RANBP10: variants seen among roughly 807,000 people sequenced by gnomAD.
RANBP10 encodes RAN binding protein 10.
In RANBP10, 24 loss-of-function variants were observed where a neutral mutation model predicts 72.8. The observed-to-expected ratio is 0.33, with a 90% CI of 0.24 to 0.46. The LOEUF is 0.46. RANBP10 is among the 20% of genes least tolerant of loss of function. The pLI is 1.00. For synonymous variants in RANBP10, 310 were observed against 322.3 expected (o/e 0.96, Z 0.41); for missense variants, 679 against 817.5 (o/e 0.83, Z 2.07).
At chr16:67,777,820 A>T (rs1226742408) in intron 2 of RANBP10, among the ~76,000 whole-genome samples, 4 of 152,186 alleles carry the variant, frequency 2.6e-5, no homozygotes, top group Non-Finnish European at 5.9e-5. Flanking sequence ...AAAAAGAACA[A>T]AGTTGGAGGG....
At chr16:67,743,554 C>T (rs2054010135) in intron 4 of RANBP10, among the ~76,000 whole-genome samples, 1 of 152,196 alleles carries the variant, frequency 6.6e-6, no homozygotes, top group Non-Finnish European at 1.5e-5. Context: ...CCACGGGCCC[C>T]ATCCTCTTCC....
At chr16:67,776,455 C>T (rs1294354298) in intron 2 of RANBP10, among the ~76,000 whole-genome samples, 2 of 113,298 alleles carry the variant, frequency 1.8e-5, no homozygotes, top group African/African-American at 3.9e-5. Context: ...GACACGGACT[C>T]CATCTCAAAA....
At position 67,729,864 on chromosome 16, in the gene RANBP10, G is replaced by A. The variant is rs2053690025; in HGVS notation, c.999-36C>T. The A allele has an allele frequency of 1.9e-6, 3 of 1,613,292 alleles. No individual in the cohort carries two copies. ...AGCGGAGCAATAATGCTCTGGTTGT[G>A]GTCCAGGTTGACGTTCCCACCACCA... On this transcript the variant is annotated intron_variant, in intron 8 of 13. Transcript: ENST00000317506. This position sits in a 1 kb window ranked among gnomAD's most constrained non-coding sequence, Gnocchi z 7.1.
At chr16:67,784,176 C>T (rs768993900) in intron 2 of RANBP10, among the ~76,000 whole-genome samples, 3 of 151,940 alleles carry the variant, frequency 2.0e-5, no homozygotes, top group African/African-American at 7.3e-5. Flanking sequence ...GATTATATAC[C>T]ACAACCTAAT....
At chr16:67,792,777 G>A (rs1452671540) in intron 2 of RANBP10, among the ~76,000 whole-genome samples, 7 of 146,684 alleles carry the variant, frequency 4.8e-5, no homozygotes, top group Admixed American at 1.4e-4. Flanking sequence ...GCAAGACTCC[G>A]TCTCAAAAAA....
rs372832190 is a variant in RANBP10 at position 67,761,927 on chromosome 16, G to GA, written c.400+10106dup. Among the ~76,000 whole-genome samples the GA allele has an allele frequency of 9.1e-3, 1,346 of 147,992 alleles. 11 individuals are homozygous for GA. The highest frequency in any genetic ancestry group is 0.014 in the Non-Finnish European group (924 of 66,752). On this transcript the variant is annotated intron_variant, in intron 3 of 13. Coordinates refer to ENST00000317506, the MANE Select transcript of RANBP10 (RefSeq NM_020850.3). ...ATATAGGTACTTCCTTCTTCAGGTAGAAAAAAAAAACACACACCTTTTCCC... is the reference window on the plus strand; with the variant it reads ...ATATAGGTACTTCCTTCTTCAGGTAGAAAAAAAAAAACACACACCTTTTCCC...
intron 2 of RANBP10, among the ~76,000 whole-genome samples, chr16:67,772,494 C>G (rs1286294053): frequency 1.3e-5 from 2 of 152,150 alleles, no homozygotes; most frequent in Non-Finnish European, 2.9e-5. Flanking sequence ...AGGGAGAACC[C>G]AGTCTGCACC....
chr16:67,726,596 C>T, intron 13 of RANBP10, 38 bp from the exon 14 acceptor site: 20 of 1,530,678 alleles, frequency 1.3e-5, no homozygotes, highest in Non-Finnish European at 1.8e-5. Context: ...CTGGCCTGCC[C>T]AGGGCTTGGG....
At chr16:67,737,192 CTTTTTTTTTTTTT>C (rs71145979) in intron 5 of RANBP10, among the ~76,000 whole-genome samples, 2 of 75,980 alleles carry the variant, frequency 2.6e-5, no homozygotes, top group African/African-American at 6.2e-5. Flanking sequence ...CCATCCTTTT[CTTTTTTTTTTTTT>C]TTTTTTTTTT....
intron 3 of RANBP10, chr16:67,762,726 C>T (rs1301373906): frequency 6.6e-6 from 1 of 152,224 alleles, no homozygotes; most frequent in African/African-American, 2.4e-5. Flanking sequence ...CTAGGCAGGC[C>T]GCAGGCTGAT....
At chr16:67,759,528 G>A (rs1279313494) in intron 3 of RANBP10, 1 of 152,208 alleles carries the variant, frequency 6.6e-6, no homozygotes, top group East Asian at 1.9e-4. Flanking sequence ...GTTCCCAGAA[G>A]GAGTGACACC....
intron 3 of RANBP10, among the ~76,000 whole-genome samples, chr16:67,769,745 C>CAAAAAAAAA (rs58319144): frequency 3.6e-5 from 1 of 27,726 alleles, no homozygotes. Flanking sequence ...GACTCCGTCT[C>CAAAAAAAAA]AAAAAAAAAA....
intron 2 of RANBP10, among the ~76,000 whole-genome samples, chr16:67,780,685 G>A (rs977583654): frequency 6.6e-6 from 1 of 152,242 alleles, no homozygotes. Flanking sequence ...CATGGAAGAT[G>A]ACAAGGGTGG....
intron 3 of RANBP10, among the ~76,000 whole-genome samples, chr16:67,745,178 G>A (rs1382995853): frequency 4.7e-5 from 7 of 148,850 alleles, no homozygotes; most frequent in African/African-American, 7.5e-5. Flanking sequence ...GGGTTTCACC[G>A]TGTTAGCCAG....
At chr16:67,768,783 TAA>T (rs1186827981) in intron 3 of RANBP10, among the ~76,000 whole-genome samples, 1 of 152,220 alleles carries the variant, frequency 6.6e-6, no homozygotes, top group African/African-American at 2.4e-5. Flanking sequence ...GACCACATCC[TAA>T]GACTACCTAA....
intron 12 of RANBP10, 124 bp from the exon 13 acceptor site, chr16:67,727,562 G>C (rs1447382282): frequency 1.5e-6 from 2 of 1,319,584 alleles, no homozygotes; most frequent in Non-Finnish European, 2.1e-6. Context: ...TGTAGGGTCG[G>C]GCAGGGCTGT....
rs754327492 is a variant in RANBP10, at chr16:67,729,535, G to A, written c.1148-51C>T. On this transcript the variant is annotated intron_variant, in intron 9 of 13. Coordinates refer to ENST00000317506, the MANE Select transcript of RANBP10 (RefSeq NM_020850.3). The surrounding 1 kb of genome is among the most constrained non-coding windows in gnomAD (Gnocchi z 7.1). ...GAGGAGGGGCAGCTTCCCATGAAAT[G>A]AAGCCCCAAGAACAACCACAGTGGT... 1.9e-6 allele frequency: 3 copies of A among 1,580,144 alleles called. No homozygotes were observed. The highest frequency in any genetic ancestry group is 1.8e-5 in the Admixed American group (1 of 56,912).
At position 67,734,992 on chromosome 16, in the gene RANBP10, G is replaced by A. The variant is rs531027550; in HGVS notation, c.642C>T (p.Asp214=). ...VGLQTPGEIV[D]ANFGQQPFLF... ...GGAAGGGCTGCTGCCCAAAGTTGGC[G>A]TCCACAATCTCCCCAGGTGTCTGCA... The change falls in exon 6 of 14, where the codon GAC becomes GAT. Residue 214 remains aspartate, a synonymous_variant. Coordinates refer to ENST00000317506, the MANE Select transcript of RANBP10 (RefSeq NM_020850.3). The A allele has an allele frequency of 2.0e-5, 33 of 1,613,672 alleles. No homozygotes were observed. Among genetic ancestry groups the A allele is most frequent in the African/African-American group, 1.3e-4 (10 of 74,924 alleles).
chr16:67,793,593 T>A lies in RANBP10; in HGVS notation c.347+11835A>T, dbSNP rs1013775957. 5.9e-5 allele frequency among the ~76,000 whole-genome samples: 9 copies of A among 152,092 alleles called. 1 individual carries two copies. The highest frequency in any genetic ancestry group is 2.2e-4 in the African/African-American group (9 of 41,434). The stretch of plus-strand genomic sequence containing the variant: ...TCCCAAAGTGCTGGGATTACAGGCG[T>A]GAGCCACCGTGCCCAGCCTCGCTTG... On this transcript the variant is annotated intron_variant, in intron 2 of 13. Transcript: ENST00000317506.
Sources: gnomAD v4.1 joint callset for allele counts (sites outside exome capture counted in the v4.1 genomes callset) on GRCh38, gnomAD v4.1.1 for gene constraint, Gnocchi (gnomAD v3.1) non-coding constraint, MANE v1.5 for transcripts, NCBI Gene and HGNC (gene_info 2026-07-23, HGNC 2026-07-21) for gene names.